Variants in JMJD1C observed in about 807,000 individuals in gnomAD.
JMJD1C encodes jumonji domain-containing protein 1C.
In JMJD1C, 31 loss-of-function variants were observed where a neutral mutation model predicts 245.3. That is an observed-to-expected ratio of 0.13 (90% CI 0.09 to 0.17). The LOEUF (loss-of-function observed/expected upper bound fraction) is 0.17. Among genes scored for constraint, JMJD1C ranks in the 10% least tolerant of loss-of-function variants. The probability of loss-of-function intolerance (pLI) is 1.00; values close to 1 mark genes in which losing one functional copy is unlikely to be tolerated. For synonymous variants in JMJD1C, 1,057 were observed against 1,017.4 expected, an observed-to-expected ratio of 1.04 and a Z score of -0.74; for missense variants, 2,691 against 3,000.2, an observed-to-expected ratio of 0.90 and a Z score of 2.41.
chr10:63,263,362 C>T (rs1855040266), intron 3 of JMJD1C, among the ~76,000 whole-genome samples: 1 of 152,154 alleles, frequency 6.6e-6, no homozygotes, highest in African/African-American at 2.4e-5. Context: ...CCTAAGAGAA[C>T]TATTCTAATT....
In JMJD1C at chr10:63,207,372, C is replaced by T; in HGVS notation, c.4297G>A (p.Val1433Ile). The T allele has an allele frequency of 6.2e-7, 1 of 1,613,968 alleles. No homozygotes were observed. Among genetic ancestry groups the T allele is most frequent in the East Asian group, 2.2e-5 (1 of 44,884 alleles). ...TILASTSSECVSSKSVSQPVA... is the reference protein window; with the variant it reads ...TILASTSSECISSKSVSQPVA... ...GGCTGACTGACACTTTTTGAAGATA[C>T]ACATTCTGATGATGTAGAGGCCAAA... The change falls in exon 10 of 26, where the codon GTA becomes ATA. Residue 1433 changes from valine (V) to isoleucine (I), a missense_variant. Physicochemically the swap from Val to Ile is conservative, Grantham distance 29. This residue lies in a region of JMJD1C where 1,562 missense variants were observed against 1,490.7 expected (regional missense o/e 1.05). Transcript: ENST00000399262.
chr10:63,486,656 T>A (rs867014322), intron 1 of JMJD1C, among the ~76,000 whole-genome samples: 7 of 152,170 alleles, frequency 4.6e-5, no homozygotes, highest in Non-Finnish European at 1.0e-4. Context: ...ACCCTGCAGT[T>A]ACCATTCTGT....
chr10:63,225,979 T>TCCC (rs1225647934), intron 3 of JMJD1C, among the ~76,000 whole-genome samples: 1 of 71,078 alleles, frequency 1.4e-5, no homozygotes, highest in African/African-American at 4.6e-5. Context: ...CAGGTTCTTC[T>TCCC]CCCCCACCCC....
At chr10:63,325,087 C>T (rs1337387912) in intron 2 of JMJD1C, among the ~76,000 whole-genome samples, 1 of 152,056 alleles carries the variant, frequency 6.6e-6, no homozygotes, top group African/African-American at 2.4e-5. Context: ...ACTAGATGTC[C>T]TATTAGGGAC....
intron 1 of JMJD1C, among the ~76,000 whole-genome samples, chr10:63,460,683 T>A (rs1384339180): frequency 6.6e-6 from 1 of 152,142 alleles, no homozygotes; most frequent in African/African-American, 2.4e-5. Context: ...AATTTTAGAC[T>A]TAAAGACATT....
chr10:63,239,071 AG>A (rs1431720336), intron 3 of JMJD1C, among the ~76,000 whole-genome samples: 1 of 152,226 alleles, frequency 6.6e-6, no homozygotes, highest in Admixed American at 6.5e-5. Context: ...ATTTGAGTTG[AG>A]ACTCAAGAAA....
chr10:63,351,779 T>C (rs1389767304), intron 2 of JMJD1C, among the ~76,000 whole-genome samples: 1 of 152,132 alleles, frequency 6.6e-6, no homozygotes, highest in Non-Finnish European at 1.5e-5. Context: ...GAAAGCTAGG[T>C]TAGCACCGAG....
chr10:63,202,984 C>A (rs1846191191), intron 10 of JMJD1C: 1 of 984,734 alleles, frequency 1.0e-6, no homozygotes, highest in African/African-American at 1.7e-5. Flanking sequence ...GTATGGATCA[C>A]CATACCACTG....
rs796435676 is a variant in JMJD1C at position 63,327,169 on chromosome 10, A to AC, written c.333+53148_333+53149insG. ...ACCACTGTACTCCAGCGTGAGCCACAGACTGAGACCTCGCCTCAAAAAAAC... is the reference window on the plus strand; with the variant it reads ...ACCACTGTACTCCAGCGTGAGCCACACGACTGAGACCTCGCCTCAAAAAAAC... On this transcript the variant is annotated intron_variant, in intron 2 of 25. Coordinates refer to ENST00000399262, the MANE Select transcript of JMJD1C (RefSeq NM_032776.3). Among the ~76,000 whole-genome samples, 47 of 152,310 alleles carry AC rather than the reference A, an allele frequency of 3.1e-4. 1 individual carries two copies. Among genetic ancestry groups the AC allele is most frequent in the African/African-American group, 1.1e-3 (46 of 41,580 alleles).
chr10:63,503,855 T>C (rs1954636402), intron 1 of JMJD1C, among the ~76,000 whole-genome samples: 1 of 152,194 alleles, frequency 6.6e-6, no homozygotes, highest in Non-Finnish European at 1.5e-5. Context: ...CTGCTTAGAG[T>C]ATGATCATTG....
intron 1 of JMJD1C, among the ~76,000 whole-genome samples, chr10:63,411,554 C>T (rs190940118): frequency 6.7e-4 from 102 of 151,712 alleles, no homozygotes; most frequent in African/African-American, 2.1e-3. Context: ...CTGCCTGGGC[C>T]TCCCAGAGTG....
chr10:63,198,556 T>C lies in JMJD1C; in HGVS notation c.5448A>G (p.Leu1816=). ...LDIIGDKFCQ[L]VTSEKTALSW... ...ACAAAGCTGTTTTTTCAGATGTTAC[T>C]AATTGACAGAACTTATCACCTATTA... Residue 1816 remains leucine (L), a synonymous_variant, in exon 12 of 26, where the codon TTA becomes TTG. Coordinates refer to ENST00000399262, the MANE Select transcript of JMJD1C (RefSeq NM_032776.3). The C allele has an allele frequency of 6.2e-7, 1 of 1,610,006 alleles. No homozygotes were observed. Among genetic ancestry groups the C allele is most frequent in the Non-Finnish European group, 8.5e-7 (1 of 1,177,260 alleles).
chr10:63,284,857 T>TCACACACACA (rs57860875), intron 2 of JMJD1C, among the ~76,000 whole-genome samples: 11 of 135,366 alleles, frequency 8.1e-5, no homozygotes, highest in African/African-American at 2.3e-4. Context: ...CAGGGAAGAT[T>TCACACACACA]CACACACACA....
At chr10:63,336,790 A>T (rs1302857538) in intron 2 of JMJD1C, among the ~76,000 whole-genome samples, 1 of 152,158 alleles carries the variant, frequency 6.6e-6, no homozygotes, top group Non-Finnish European at 1.5e-5. Context: ...ACAGAGTGTG[A>T]GCCAGGAAAA....
At chr10:63,512,890 AT>A (rs1954913238) in intron 1 of JMJD1C, among the ~76,000 whole-genome samples, 2 of 151,738 alleles carry the variant, frequency 1.3e-5, no homozygotes, top group Non-Finnish European at 2.9e-5. Flanking sequence ...TTTCTCTGTC[AT>A]TTTTCTTCTT....
At chr10:63,243,300 G>A (rs1456270018) in intron 3 of JMJD1C, among the ~76,000 whole-genome samples, 2 of 151,716 alleles carry the variant, frequency 1.3e-5, no homozygotes, top group Non-Finnish European at 2.9e-5. Context: ...GCTGAGGTGG[G>A]AGTATCACCT....
chr10:63,348,581 T>C (rs1944055922), intron 2 of JMJD1C, among the ~76,000 whole-genome samples: 2 of 152,118 alleles, frequency 1.3e-5, no homozygotes, highest in Admixed American at 6.5e-5. Context: ...ATGGAGATAA[T>C]AAGGATGTTG....
chr10:63,169,299 A>G (rs766622183), intron 24 of JMJD1C, among the ~76,000 whole-genome samples: 1 of 152,158 alleles, frequency 6.6e-6, no homozygotes, highest in Non-Finnish European at 1.5e-5. Context: ...GCACTTGACT[A>G]TTAGAGCTGC....
intron 1 of JMJD1C, among the ~76,000 whole-genome samples, chr10:63,462,714 T>C (rs755775791): frequency 2.0e-5 from 3 of 152,178 alleles, no homozygotes; most frequent in Non-Finnish European, 2.9e-5. Flanking sequence ...CCAAGGAATG[T>C]GGACAGCTTC....
Sources: allele counts gnomAD v4.1 joint callset (sites outside exome capture counted in the v4.1 genomes callset), GRCh38; gene constraint gnomAD v4.1.1; regional missense constraint gnomAD v4.1.1; transcripts MANE v1.5; gene names NCBI Gene and HGNC (gene_info 2026-07-23, HGNC 2026-07-21).